RETREG1: variants seen among roughly 807,000 people sequenced by gnomAD.
The protein encoded by RETREG1 is reticulophagy regulator 1.
RETREG1 carries 44 observed loss-of-function variants against 54.8 expected under a neutral mutation model. That is an observed-to-expected ratio of 0.80 (90% confidence interval 0.63 to 1.03). The LOEUF (loss-of-function observed/expected upper bound fraction) is 1.03. RETREG1 is among the 50% of genes least tolerant of loss of function. RETREG1 has a pLI of 0.00. For synonymous variants in RETREG1, 217 were observed against 238.5 expected (o/e 0.91, Z 0.83); for missense variants, 554 against 605.1 (o/e 0.92, Z 0.89).
At chr5:16,502,977 C>T (rs1391272639) in intron 3 of RETREG1, among the ~76,000 whole-genome samples, 1 of 152,232 alleles carries the variant, frequency 6.6e-6, no homozygotes, top group African/African-American at 2.4e-5. Flanking sequence ...TCACCAAGGA[C>T]AGACCCTCCC....
At chr5:16,610,290 C>T (rs114052849) in intron 1 of RETREG1, among the ~76,000 whole-genome samples, 3,274 of 152,286 alleles carry the variant, frequency 0.021, 50 homozygotes, top group Non-Finnish European at 0.033. Context: ...GGTGCCCCTG[C>T]GTGGACACCT....
chr5:16,609,752 A>G (rs1476170503), intron 1 of RETREG1, among the ~76,000 whole-genome samples: 1 of 152,158 alleles, frequency 6.6e-6, no homozygotes, highest in African/African-American at 2.4e-5. Context: ...GAAACACACA[A>G]AGGGCGATCC....
At chr5:16,550,633 G>A (rs1056092575) in intron 3 of RETREG1, among the ~76,000 whole-genome samples, 1 of 152,154 alleles carries the variant, frequency 6.6e-6, no homozygotes, top group African/African-American at 2.4e-5. Flanking sequence ...TTCACCTACA[G>A]AGTCAGCTCT....
At chr5:16,606,858 A>G (rs781349263) in intron 1 of RETREG1, among the ~76,000 whole-genome samples, 4 of 152,160 alleles carry the variant, frequency 2.6e-5, no homozygotes, top group African/African-American at 9.7e-5. Flanking sequence ...GCTGACAAAA[A>G]GCCTCTGGCA....
intron 2 of RETREG1, among the ~76,000 whole-genome samples, chr5:16,571,753 A>T (rs1331203578): frequency 6.6e-6 from 1 of 152,152 alleles, no homozygotes; most frequent in Non-Finnish European, 1.5e-5. Flanking sequence ...CTTAAATACC[A>T]ACGTGGTATT....
intron 3 of RETREG1, among the ~76,000 whole-genome samples, chr5:16,495,435 G>A (rs1462235786): frequency 6.6e-6 from 1 of 152,174 alleles, no homozygotes; most frequent in Non-Finnish European, 1.5e-5. Context: ...AGGCCCAGAG[G>A]CCTAGGATGA....
chr5:16,600,589 T>G (rs1239149028), intron 1 of RETREG1, among the ~76,000 whole-genome samples: 1 of 144,528 alleles, frequency 6.9e-6, no homozygotes, highest in Non-Finnish European at 1.5e-5. Context: ...TTCCCCTCCC[T>G]GCCCCGCCCC....
At chr5:16,574,875 C>T (rs2126310111) in intron 1 of RETREG1, among the ~76,000 whole-genome samples, 1 of 152,330 alleles carries the variant, frequency 6.6e-6, no homozygotes, top group East Asian at 1.9e-4. Context: ...ATGCCGCAGT[C>T]CATGTCTTTA....
At chr5:16,512,255 A>G (rs334470) in intron 3 of RETREG1, among the ~76,000 whole-genome samples, 122,618 of 152,066 alleles carry the variant, frequency 0.81, 49,826 homozygotes, top group Middle Eastern at 0.88. Context: ...ACTGTGGAAC[A>G]GCAAAGTCAG....
chr5:16,558,507 CA>C (rs1219209297), intron 3 of RETREG1, among the ~76,000 whole-genome samples: 2 of 152,212 alleles, frequency 1.3e-5, no homozygotes, highest in Admixed American at 1.3e-4. Flanking sequence ...ATGTATCCTT[CA>C]CAGCAAGATT....
chr5:16,516,638 T>C (rs1433699563), intron 3 of RETREG1, among the ~76,000 whole-genome samples: 3 of 152,196 alleles, frequency 2.0e-5, no homozygotes, highest in Non-Finnish European at 2.9e-5. Flanking sequence ...GGTCTGTGAA[T>C]TCACCCTCTC....
intron 3 of RETREG1, among the ~76,000 whole-genome samples, chr5:16,541,706 A>C (rs929506245): frequency 1.3e-5 from 2 of 149,040 alleles, no homozygotes; most frequent in African/African-American, 5.0e-5. Context: ...AGAAAAGAAA[A>C]GAGAAGAAAA....
At chr5:16,538,955 G>A (rs1343202248) in intron 3 of RETREG1, among the ~76,000 whole-genome samples, 1 of 152,090 alleles carries the variant, frequency 6.6e-6, no homozygotes, top group African/African-American at 2.4e-5. Flanking sequence ...CTGCCCACCT[G>A]GGCCTCCCAG....
intron 3 of RETREG1, among the ~76,000 whole-genome samples, chr5:16,492,434 A>G (rs1739288236): frequency 6.6e-6 from 1 of 152,014 alleles, no homozygotes; most frequent in African/African-American, 2.4e-5. Context: ...TTTTTCAGAA[A>G]GTTTGCTAAG....
intron 3 of RETREG1, among the ~76,000 whole-genome samples, chr5:16,536,163 C>T (rs1741067551): frequency 1.3e-5 from 2 of 152,172 alleles, no homozygotes; most frequent in South Asian, 4.1e-4. Flanking sequence ...TATCCCACCC[C>T]AAGAAGGAAG....
chr5:16,611,261 G>A (rs369847149), intron 1 of RETREG1, among the ~76,000 whole-genome samples: 28 of 152,252 alleles, frequency 1.8e-4, no homozygotes, highest in East Asian at 7.7e-4. Context: ...TCATGGGGTC[G>A]GGGGAGTGGG....
At chr5:16,499,304 C>T (rs1002974978) in intron 3 of RETREG1, among the ~76,000 whole-genome samples, 1 of 152,104 alleles carries the variant, frequency 6.6e-6, no homozygotes, top group Admixed American at 6.5e-5. Context: ...GTGTCTATCC[C>T]AGTTACTTTT....
intron 3 of RETREG1, among the ~76,000 whole-genome samples, chr5:16,514,932 T>G (rs1020222097): frequency 6.8e-6 from 1 of 147,776 alleles, no homozygotes; most frequent in Non-Finnish European, 1.5e-5. Flanking sequence ...TATATAAATA[T>G]ATGTGCATAT....
chr5:16,591,949 A>G (rs1357333292), intron 1 of RETREG1, among the ~76,000 whole-genome samples: 1 of 152,348 alleles, frequency 6.6e-6, no homozygotes, highest in East Asian at 1.9e-4. Context: ...TGAAACAGCA[A>G]CAAGAAAAGA....
Sources: allele counts gnomAD v4.1 joint callset (sites outside exome capture counted in the v4.1 genomes callset), GRCh38; gene constraint gnomAD v4.1.1; transcripts MANE v1.5; gene names NCBI Gene and HGNC (gene_info 2026-07-23, HGNC 2026-07-21).